The following UGT2A2 variants were observed in gnomAD, a reference collection of about 807,000 sequenced individuals.
The protein encoded by UGT2A2 is UDP glucuronosyltransferase family 2 member A2, also known as UDP-glucuronosyltransferase 2A2.
UGT2A2 carries 60 observed loss-of-function variants against 50.7 expected under a neutral mutation model. The ratio of observed to expected loss-of-function variants is 1.18; its 90% CI spans 0.96 to 1.47. UGT2A2 has a LOEUF of 1.47. Ranked by LOEUF, UGT2A2 falls within the 40% of genes most tolerant of loss-of-function variation. The pLI is 0.00. For missense variants in UGT2A2, 762 were observed against 634.0 expected (o/e 1.20, Z -2.17); for synonymous variants, 242 against 214.6 (o/e 1.13, Z -1.11).
At position 69,639,332 on chromosome 4, in the gene UGT2A2, C is replaced by T. The variant is rs376044252; in HGVS notation, c.309G>A (p.Trp103Ter). 1 of 1,613,650 alleles carries T rather than the reference C, an allele frequency of 6.2e-7. No homozygotes were observed. The part of the protein sequence containing the change: ...DSLIEHMIML[W>*]IDHRPTPLTI... ...TGAGAGGAGTTGGTCTATGGTCAAT[C>T]CACAGCATTATCATATGCTCAATTA... is the stretch of plus-strand genomic sequence containing the variant. The change falls in exon 1 of 6, where the codon TGG becomes TGA. Residue 103 changes from tryptophan (W) to a stop codon, truncating the protein, a stop_gained. Transcript: ENST00000604629. LOFTEE classifies it high-confidence loss of function.
intron 1 of UGT2A2, chr4:69,599,629 C>A: frequency 2.3e-6 from 1 of 434,860 alleles, no homozygotes; most frequent in Non-Finnish European, 3.8e-6. Context: ...GGCAGGCAAG[C>A]AGGGAGGGAG....
chr4:69,622,172 A>T (rs920845579), intron 1 of UGT2A2, among the ~76,000 whole-genome samples: 1 of 151,870 alleles, frequency 6.6e-6, no homozygotes, highest in Admixed American at 6.6e-5. Flanking sequence ...TTATTTTTTT[A>T]AATAAAAAAT....
intron 1 of UGT2A2, among the ~76,000 whole-genome samples, chr4:69,613,849 C>T (rs920148139): frequency 6.6e-6 from 1 of 151,706 alleles, no homozygotes; most frequent in Admixed American, 6.6e-5. Context: ...AGCCATAAAC[C>T]GCAAACCTAC....
rs115440468 is a variant in UGT2A2 at position 69,622,689 on chromosome 4, T to C, written c.742+16210A>G. Among the ~76,000 whole-genome samples, 457 of 151,920 alleles carry C rather than the reference T, an allele frequency of 3.0e-3. 4 individuals are homozygous for C. The highest frequency in any genetic ancestry group is 0.011 in the African/African-American group (437 of 41,514). On this transcript the variant is annotated intron_variant, in intron 1 of 5. Transcript: ENST00000604629. ...CATGCATTGAGGATTTCATGTGTTA[T>C]GAACTTCAATTCTATACTTGATGTC...
intron 1 of UGT2A2, among the ~76,000 whole-genome samples, chr4:69,609,154 G>GTTT: frequency 1.6e-5 from 1 of 61,976 alleles, no homozygotes; most frequent in Non-Finnish European, 3.2e-5. Context: ...GAATATATAA[G>GTTT]ATTTTTTTTT....
At chr4:69,608,735 G>T (rs1412995701) in intron 1 of UGT2A2, among the ~76,000 whole-genome samples, 2 of 151,960 alleles carry the variant, frequency 1.3e-5, no homozygotes, top group Admixed American at 1.3e-4. Flanking sequence ...CACTCTTGTT[G>T]CCCAGGCTGG....
intron 1 of UGT2A2, among the ~76,000 whole-genome samples, chr4:69,608,137 G>T (rs376459007): frequency 1.3e-5 from 2 of 151,938 alleles, no homozygotes; most frequent in African/African-American, 4.8e-5. Flanking sequence ...TTATTGCAGC[G>T]CTATTCACAA....
intron 1 of UGT2A2, among the ~76,000 whole-genome samples, chr4:69,633,968 G>T (rs1195707150): frequency 6.6e-6 from 1 of 151,616 alleles, no homozygotes; most frequent in African/African-American, 2.4e-5. Context: ...AAACCCGGCC[G>T]CGCGCGGTGG....
intron 1 of UGT2A2, among the ~76,000 whole-genome samples, chr4:69,625,738 A>G (rs1217750748): frequency 6.6e-6 from 1 of 151,524 alleles, no homozygotes; most frequent in Non-Finnish European, 1.5e-5. Context: ...AATACAGAGC[A>G]ACTGCTAAAA....
rs561402165 is a variant in UGT2A2, at chr4:69,605,022, A to G, written c.743-5628T>C. Among the ~76,000 whole-genome samples, 162 of 136,576 alleles carry G rather than the reference A, an allele frequency of 1.2e-3. 29 individuals are homozygous for G. Among genetic ancestry groups the G allele is most frequent in the Non-Finnish European group, 2.1e-3 (134 of 64,290 alleles). The allele number at this position is 136,576 out of a possible 152,430, so 89.6% of individuals were successfully genotyped here. Reference sequence around the variant, plus strand: ...CGTTAGACAGATCAATGAGACAGAAAGATAACAAGTATATCCAGGAATTGA... The same window carrying G: ...CGTTAGACAGATCAATGAGACAGAAGGATAACAAGTATATCCAGGAATTGA... On this transcript the variant is annotated intron_variant, in intron 1 of 5. Coordinates refer to ENST00000604629, the MANE Select transcript of UGT2A2 (RefSeq NM_001105677.2).
In UGT2A2 at chr4:69,603,847, C is replaced by T. The variant is rs545394260; in HGVS notation, c.743-4453G>A. Among the ~76,000 whole-genome samples the T allele has an allele frequency of 3.7e-3, 496 of 135,580 alleles. 117 individuals are homozygous for T. The highest frequency in any genetic ancestry group is 0.014 in the African/African-American group (469 of 33,396). The allele number at this position is 135,580 out of a possible 152,430, so 88.9% of individuals were successfully genotyped here. On this transcript the variant is annotated intron_variant, in intron 1 of 5. Coordinates refer to ENST00000604629, the MANE Select transcript of UGT2A2 (RefSeq NM_001105677.2). Reference sequence around the variant, plus strand: ...GGAAGATCAAATGAATGAAATGAAGCGAGAAGAGAAGTTTAGAGAAAAAAG... The same window carrying T: ...GGAAGATCAAATGAATGAAATGAAGTGAGAAGAGAAGTTTAGAGAAAAAAG...
chr4:69,634,062 G>A (rs1395147980), intron 1 of UGT2A2, among the ~76,000 whole-genome samples: 3 of 152,002 alleles, frequency 2.0e-5, no homozygotes, highest in Admixed American at 6.6e-5. Flanking sequence ...TGGCTAACAT[G>A]GTGAAACCCC....
chr4:69,614,108 C>G (rs549225626), intron 1 of UGT2A2, among the ~76,000 whole-genome samples: 40 of 102,352 alleles, frequency 3.9e-4, no homozygotes, highest in South Asian at 3.2e-4. Flanking sequence ...CTGTTTTAAG[C>G]TGATAAACCC....
rs781112509 is a variant in UGT2A2, at chr4:69,599,312, A to C, written c.825T>G (p.Arg275=). 3.4e-5 allele frequency: 55 copies of C among 1,613,800 alleles called. No individual in the cohort carries two copies. In the Admixed American group the frequency reaches 9.0e-4, roughly 26 times the overall value. ...CAAACTCAAAATTAGGTAAGTATGG[A>C]CGAGGAAATTCAAAATCCCAATATG... ...IRTYWDFEFP[R]PYLPNFEFVG... The change falls in exon 2 of 6, where the codon CGT becomes CGG. Residue 275 remains arginine (R), a synonymous_variant. Coordinates refer to ENST00000604629, the MANE Select transcript of UGT2A2 (RefSeq NM_001105677.2).
chr4:69,607,948 A>G (rs1309494098), intron 1 of UGT2A2, among the ~76,000 whole-genome samples: 2 of 152,202 alleles, frequency 1.3e-5, no homozygotes, highest in African/African-American at 4.8e-5. Context: ...GTCGAGAAAT[A>G]GGAACACTTT....
At chr4:69,623,920 C>A (rs762749971) in intron 1 of UGT2A2, among the ~76,000 whole-genome samples, 2 of 151,360 alleles carry the variant, frequency 1.3e-5, no homozygotes, top group African/African-American at 4.8e-5. Context: ...TAATGCTGGC[C>A]AGAATGCCCA....
intron 1 of UGT2A2, among the ~76,000 whole-genome samples, chr4:69,627,540 GAGAGAGAA>G (rs199842756): frequency 0.17 from 24,400 of 140,200 alleles, 2,390 homozygotes; most frequent in Middle Eastern, 0.23. Flanking sequence ...AAGAAAGAGA[GAGAGAGAA>G]AGAGAGAGAG....
intron 1 of UGT2A2, among the ~76,000 whole-genome samples, chr4:69,626,075 C>T (rs921716406): frequency 6.6e-6 from 1 of 151,294 alleles, no homozygotes; most frequent in South Asian, 2.1e-4. Flanking sequence ...CTATTTGTTG[C>T]TCTCAGTCAT....
intron 1 of UGT2A2, among the ~76,000 whole-genome samples, chr4:69,627,463 AGCAGGCAGGCAGGCAG>A (rs1002480493): frequency 6.3e-5 from 4 of 63,902 alleles, no homozygotes; most frequent in African/African-American, 2.3e-4. Flanking sequence ...CAGACAGGCA[AGCAGGCAGGCAGGCAG>A]GCAGGCAGGC....
Sources: gnomAD v4.1 joint callset for allele counts (sites outside exome capture counted in the v4.1 genomes callset) on GRCh38, gnomAD v4.1.1 for gene constraint, MANE v1.5 for transcripts, NCBI Gene and HGNC (gene_info 2026-07-23, HGNC 2026-07-21) for gene names.